The following COMMD10 variants were observed in gnomAD, a reference collection of about 807,000 sequenced individuals.
COMMD10 encodes COMM domain-containing protein 10.
In COMMD10, 33 loss-of-function variants were observed where a neutral mutation model predicts 28.9. That is an observed-to-expected ratio of 1.14 (90% confidence interval 0.87 to 1.53). The LOEUF is 1.53. COMMD10 is among the 40% of genes most tolerant of loss of function. COMMD10 has a pLI of 0.00. For synonymous variants in COMMD10, 110 were observed against 81.7 expected (o/e 1.35, Z -1.87); for missense variants, 310 against 233.4 (o/e 1.33, Z -2.14).
At position 116,202,400 on chromosome 5, in the gene COMMD10, C is replaced by A. The variant is rs534469689; in HGVS notation, c.510+68222C>A. Among the ~76,000 whole-genome samples the A allele has an allele frequency of 2.4e-3, 358 of 152,098 alleles. 2 individuals are homozygous for A. Among genetic ancestry groups the A allele is most frequent in the South Asian group, 7.3e-3 (35 of 4,814 alleles). ...ATTTATAGTCCTTTGGGTATATACCCAGTAATGGAATGGCTGGGTCAAATG... is the reference window on the plus strand; with the variant it reads ...ATTTATAGTCCTTTGGGTATATACCAAGTAATGGAATGGCTGGGTCAAATG... On this transcript the variant is annotated intron_variant, in intron 5 of 6. Coordinates refer to ENST00000274458, the MANE Select transcript of COMMD10 (RefSeq NM_016144.4).
intron 5 of COMMD10, among the ~76,000 whole-genome samples, chr5:116,146,167 T>C (rs551822251): frequency 1.3e-5 from 2 of 151,960 alleles, no homozygotes; most frequent in Admixed American, 1.3e-4. Flanking sequence ...TTGCGAACCT[T>C]TACCCTGCAT....
At chr5:116,149,911 T>C (rs1450303795) in intron 5 of COMMD10, among the ~76,000 whole-genome samples, 2 of 151,888 alleles carry the variant, frequency 1.3e-5, no homozygotes, top group African/African-American at 2.4e-5. Flanking sequence ...TTTTGGTGTT[T>C]TAGACATGAA....
chr5:116,189,916 C>A (rs1748295117), intron 5 of COMMD10, among the ~76,000 whole-genome samples: 1 of 152,168 alleles, frequency 6.6e-6, no homozygotes, highest in Non-Finnish European at 1.5e-5. Flanking sequence ...GGCATGTACT[C>A]CTGACCTTCT....
At chr5:116,284,491 G>A (rs538403171) in intron 5 of COMMD10, among the ~76,000 whole-genome samples, 2 of 151,810 alleles carry the variant, frequency 1.3e-5, no homozygotes, top group African/African-American at 4.9e-5. Context: ...TTCTTATTCA[G>A]TATGACATAA....
At chr5:116,217,164 C>T (rs1250913342) in intron 5 of COMMD10, among the ~76,000 whole-genome samples, 2 of 151,116 alleles carry the variant, frequency 1.3e-5, no homozygotes, top group East Asian at 3.9e-4. Flanking sequence ...AAAAAAAGTC[C>T]CCGCAATCCC....
chr5:116,105,471 G>C lies in COMMD10; in HGVS notation c.399+12771G>C, dbSNP rs370810195. On this transcript the variant is annotated intron_variant, in intron 4 of 6. Transcript: ENST00000274458. ...TTGGTATTAGGATGATGTTGGCCTC[G>C]TAAAATGAATTAGGAAGGATTCCCT... is the stretch of plus-strand genomic sequence containing the variant. Among the ~76,000 whole-genome samples, 10 of 152,226 alleles carry C rather than the reference G, an allele frequency of 6.6e-5. 1 individual carries two copies. The highest frequency in any genetic ancestry group is 2.4e-4 in the African/African-American group (10 of 41,544).
intron 5 of COMMD10, among the ~76,000 whole-genome samples, chr5:116,250,115 T>A (rs1167746990): frequency 1.3e-5 from 2 of 151,880 alleles, no homozygotes; most frequent in Admixed American, 1.3e-4. Context: ...GAAATCTGAC[T>A]TTTTACTTTC....
chr5:116,191,309 G>A lies in COMMD10; in HGVS notation c.510+57131G>A, dbSNP rs182103695. Among the ~76,000 whole-genome samples the A allele has an allele frequency of 5.2e-3, 788 of 152,214 alleles. 2 individuals are homozygous for A. Among genetic ancestry groups the A allele is most frequent in the Non-Finnish European group, 9.0e-3 (613 of 68,016 alleles). On this transcript the variant is annotated intron_variant, in intron 5 of 6. Transcript: ENST00000274458. ...GAAGCCTCCTGGCCAGAACTCGGGTGAGGACACAAATCTGGAGGGCACACT... is the reference window on the plus strand; with the variant it reads ...GAAGCCTCCTGGCCAGAACTCGGGTAAGGACACAAATCTGGAGGGCACACT...
intron 5 of COMMD10, among the ~76,000 whole-genome samples, chr5:116,237,342 G>C (rs573786119): frequency 6.6e-6 from 1 of 152,132 alleles, no homozygotes; most frequent in Non-Finnish European, 1.5e-5. Flanking sequence ...TGTTTACAGA[G>C]TAGAATAGTA....
intron 5 of COMMD10, among the ~76,000 whole-genome samples, chr5:116,154,970 T>C (rs1368989219): frequency 3.9e-5 from 6 of 152,260 alleles, no homozygotes; most frequent in East Asian, 1.9e-4. Flanking sequence ...ATGATAGCTA[T>C]GCTATTTTTC....
chr5:116,269,511 A>G (rs1450929224), intron 5 of COMMD10, among the ~76,000 whole-genome samples: 2 of 151,840 alleles, frequency 1.3e-5, no homozygotes, highest in East Asian at 3.8e-4. Flanking sequence ...AGTTAGAAAA[A>G]TTGGATTAGT....
intron 5 of COMMD10, among the ~76,000 whole-genome samples, chr5:116,228,646 G>T (rs1042794755): frequency 5.3e-5 from 8 of 151,872 alleles, no homozygotes; most frequent in Non-Finnish European, 1.2e-4. Context: ...TGCTTTTGTG[G>T]TTGCATAAAT....
chr5:116,095,850 C>T (rs1490829804), intron 4 of COMMD10, among the ~76,000 whole-genome samples: 3 of 151,990 alleles, frequency 2.0e-5, no homozygotes, highest in African/African-American at 4.8e-5. Flanking sequence ...TGTTCATTTG[C>T]TCCAATGTGA....
intron 5 of COMMD10, among the ~76,000 whole-genome samples, chr5:116,263,814 A>G (rs1393908432): frequency 1.3e-5 from 2 of 151,666 alleles, no homozygotes; most frequent in Non-Finnish European, 2.9e-5. Context: ...TCTTAAATCT[A>G]TTTGATTGAT....
At chr5:116,152,973 C>T (rs1752584279) in intron 5 of COMMD10, among the ~76,000 whole-genome samples, 2 of 152,100 alleles carry the variant, frequency 1.3e-5, no homozygotes, top group South Asian at 4.1e-4. Context: ...ACAGAAGTTG[C>T]ATAATAGCTA....
intron 4 of COMMD10, among the ~76,000 whole-genome samples, chr5:116,108,973 C>T (rs1257152835): frequency 6.6e-6 from 1 of 152,116 alleles, no homozygotes; most frequent in Non-Finnish European, 1.5e-5. Context: ...CGTTGTGCTT[C>T]CCGGGTGAGG....
intron 5 of COMMD10, among the ~76,000 whole-genome samples, chr5:116,238,248 G>T (rs149369548): frequency 1.3e-5 from 2 of 152,278 alleles, no homozygotes; most frequent in African/African-American, 4.8e-5. Flanking sequence ...TAAATTGTCA[G>T]ATTGTTCTTG....
rs977958817 is a variant in COMMD10, at chr5:116,270,791, G to T, written c.511-20726G>T. The stretch of plus-strand genomic sequence containing the variant: ...ATCTCTACTGAATACAGAAGAATTA[G>T]TTGGGCTTGATGGTGCATACCTGTA... On this transcript the variant is annotated intron_variant, in intron 5 of 6. Coordinates refer to ENST00000274458, the MANE Select transcript of COMMD10 (RefSeq NM_016144.4). Among the ~76,000 whole-genome samples, 15 of 151,590 alleles carry T rather than the reference G, an allele frequency of 9.9e-5. 1 individual carries two copies. The highest frequency in any genetic ancestry group is 3.4e-4 in the African/African-American group (14 of 40,996).
intron 4 of COMMD10, among the ~76,000 whole-genome samples, chr5:116,127,833 T>G (rs1021180093): frequency 6.6e-6 from 1 of 151,946 alleles, no homozygotes; most frequent in African/African-American, 2.4e-5. Context: ...GTAAATGACA[T>G]GTTAACGGGT....
Sources: allele counts gnomAD v4.1 joint callset (sites outside exome capture counted in the v4.1 genomes callset), GRCh38; gene constraint gnomAD v4.1.1; transcripts MANE v1.5; gene names NCBI Gene and HGNC (gene_info 2026-07-23, HGNC 2026-07-21).